RNF125: variants seen among roughly 807,000 people sequenced by gnomAD.
RNF125 encodes the protein E3 ubiquitin-protein ligase RNF125.
In RNF125, 21 loss-of-function variants were observed where a neutral mutation model predicts 26.0. That is an observed-to-expected ratio of 0.81 (90% CI 0.57 to 1.16). The LOEUF is 1.16. RNF125 is among the 50% of genes most tolerant of loss of function. The probability of loss-of-function intolerance (pLI) is 0.00; values close to 1 mark genes in which losing one functional copy is unlikely to be tolerated. For missense variants in RNF125, 270 were observed against 299.4 expected (o/e 0.90, Z 0.72); for synonymous variants, 95 against 109.2 (o/e 0.87, Z 0.81).
chr18:32,074,576 T>C (rs1295264108), downstream of RNF125, among the ~76,000 whole-genome samples: 1 of 152,210 alleles, frequency 6.6e-6, no homozygotes, highest in Non-Finnish European at 1.5e-5. Flanking sequence ...GGAGTCTTGC[T>C]CTGTTACCCA....
rs1023029974 is a variant in RNF125 at position 32,037,911 on chromosome 18, G to A, written c.318+642G>A. Among the ~76,000 whole-genome samples the A allele has an allele frequency of 5.3e-5, 8 of 152,226 alleles. No homozygotes were observed. In the South Asian group the frequency reaches 1.2e-3, roughly 24 times the overall value. ...ACAGAAACGGAACATGGGCGGGGAC[G>A]ATAAGGGAATAAAAGCTGGCCACCC... is the stretch of plus-strand genomic sequence containing the variant. On this transcript the variant is annotated intron_variant, in intron 2 of 5. Coordinates refer to ENST00000217740, the MANE Select transcript of RNF125 (RefSeq NM_017831.4).
chr18:32,041,379 C>T (rs2039215232), intron 2 of RNF125, among the ~76,000 whole-genome samples: 1 of 152,078 alleles, frequency 6.6e-6, no homozygotes, highest in Non-Finnish European at 1.5e-5. Flanking sequence ...TTCCCTAAGG[C>T]ACAGTGTTTC....
intron 1 of RNF125, among the ~76,000 whole-genome samples, chr18:32,033,920 A>AACAACATGAAGTGT (rs1413398199): frequency 1.3e-5 from 2 of 152,010 alleles, no homozygotes; most frequent in Non-Finnish European, 2.9e-5. Context: ...CTGATATCCC[A>AACAACATGAAGTGT]TCCCCAGAAA....
chr18:32,075,910 CT>C, downstream of RNF125: 1 of 1,461,542 alleles, frequency 6.8e-7, no homozygotes, highest in Admixed American at 1.7e-5. Context: ...AGGATTTTCC[CT>C]CCTGTGTGTT....
At chr18:32,076,745 T>C (rs1350608762), downstream of RNF125, among the ~76,000 whole-genome samples, 1 of 152,306 alleles carries the variant, frequency 6.6e-6, no homozygotes, top group South Asian at 2.1e-4. Context: ...TCGGCCACAC[T>C]GTTAGGTTTA....
At chr18:32,079,899 T>C in the RNF125 span, among the ~76,000 whole-genome samples, 21 of 152,272 alleles carry the variant, frequency 1.4e-4, no homozygotes, top group Non-Finnish European at 1.5e-5. Flanking sequence ...CTGAGTTTCA[T>C]TGGCTCTAGA....
At chr18:32,076,629 A>T (rs973974381), downstream of RNF125, among the ~76,000 whole-genome samples, 7 of 152,134 alleles carry the variant, frequency 4.6e-5, no homozygotes, top group African/African-American at 1.7e-4. Context: ...TATGAGAATA[A>T]ATTCTAAAGG....
At chr18:32,051,694 C>CTTTTTTTTTT (rs71177837) in intron 4 of RNF125, among the ~76,000 whole-genome samples, 1 of 118,030 alleles carries the variant, frequency 8.5e-6, no homozygotes, top group Non-Finnish European at 1.6e-5. Context: ...TATTTTCTTT[C>CTTTTTTTTTT]TTTTTTTTTT....
chr18:32,028,332 G>A lies in RNF125; in HGVS notation c.165-8784G>A, dbSNP rs554780782. Among the ~76,000 whole-genome samples, 16 of 144,758 alleles carry A rather than the reference G, an allele frequency of 1.1e-4. 1 individual carries two copies. In the East Asian group the frequency reaches 2.8e-3, roughly 25 times the overall value. The allele number at this position is 144,758 out of a possible 152,430, so 95.0% of individuals were successfully genotyped here. On this transcript the variant is annotated intron_variant, in intron 1 of 5. Coordinates refer to ENST00000217740, the MANE Select transcript of RNF125 (RefSeq NM_017831.4). ...AAAAAAAAAAAAAAAAAAATAATAG[G>A]TAGTGGTTCATGATAAGTTTTTTTG...
chr18:32,047,135 C>A (rs2039280222), intron 4 of RNF125, among the ~76,000 whole-genome samples: 1 of 152,194 alleles, frequency 6.6e-6, no homozygotes, highest in Non-Finnish European at 1.5e-5. Context: ...CTCCCAGGTT[C>A]AAGCCATTCC....
intron 3 of RNF125, among the ~76,000 whole-genome samples, chr18:32,042,831 A>G (rs2039233851): frequency 6.6e-6 from 1 of 150,798 alleles, no homozygotes; most frequent in Admixed American, 6.7e-5. Context: ...GGATATTGAT[A>G]GTATTTTATT....
rs547316182 is a variant in RNF125 at position 32,056,894 on chromosome 18, A to C, written c.505-9008A>C. On this transcript the variant is annotated intron_variant, in intron 4 of 5. Coordinates refer to ENST00000217740, the MANE Select transcript of RNF125 (RefSeq NM_017831.4). Reference sequence around the variant, plus strand: ...TTCCTCAAGCTTATACATAATAGACATACAGCAGCATTTCTATTTCTACAT... The same window carrying C: ...TTCCTCAAGCTTATACATAATAGACCTACAGCAGCATTTCTATTTCTACAT... Among the ~76,000 whole-genome samples the C allele has an allele frequency of 9.2e-5, 14 of 152,320 alleles. No individual in the cohort carries two copies. In the South Asian group the frequency reaches 2.9e-3, roughly 32 times the overall value.
intron 1 of RNF125, among the ~76,000 whole-genome samples, chr18:32,025,435 G>A (rs977701769): frequency 1.3e-5 from 2 of 151,494 alleles, no homozygotes; most frequent in African/African-American, 2.4e-5. Flanking sequence ...AGGCTGAGGT[G>A]GGGGGATCAC....
rs113845715 is a variant in RNF125 at position 32,028,166 on chromosome 18, C to T, written c.165-8950C>T. Among the ~76,000 whole-genome samples, 114 of 151,514 alleles carry T rather than the reference C, an allele frequency of 7.5e-4. 1 individual carries two copies. Among genetic ancestry groups the T allele is most frequent in the Middle Eastern group, 3.4e-3 (1 of 294 alleles). On this transcript the variant is annotated intron_variant, in intron 1 of 5. Coordinates refer to ENST00000217740, the MANE Select transcript of RNF125 (RefSeq NM_017831.4). ...ACAAAAAATTAGCCGGGCATGGTGGCGGGTGCCTGTAGTCCCAGCTACTCA... is the reference window on the plus strand; with the variant it reads ...ACAAAAAATTAGCCGGGCATGGTGGTGGGTGCCTGTAGTCCCAGCTACTCA...
intron 4 of RNF125, among the ~76,000 whole-genome samples, chr18:32,060,531 C>T (rs1332612228): frequency 1.3e-5 from 2 of 152,142 alleles, no homozygotes; most frequent in South Asian, 4.1e-4. Flanking sequence ...TTTGAATGTA[C>T]ACTGTATAGT....
rs1200062414 is a variant in RNF125, at chr18:32,070,680, A to G, written c.*2296A>G. 6.6e-6 allele frequency: 1 copy of G among 151,506 alleles called. No homozygotes were observed. Among genetic ancestry groups the G allele is most frequent in the Non-Finnish European group, 1.5e-5 (1 of 67,898 alleles). 9.4% of individuals were successfully genotyped at this position (151,506 alleles called of 1,614,324 possible). On this transcript the variant is annotated 3_prime_UTR_variant, in exon 6 of 6. Coordinates refer to ENST00000217740, the MANE Select transcript of RNF125 (RefSeq NM_017831.4). ...CAATTGAAACAATTAAAAAGTTTTC[A>G]TTTGCTTTTCTCATTCTTTCCCAAT...
downstream of RNF125, among the ~76,000 whole-genome samples, chr18:32,077,526 T>G (rs2039578475): frequency 6.6e-6 from 1 of 151,720 alleles, no homozygotes; most frequent in Non-Finnish European, 1.5e-5. Flanking sequence ...TACGCTCAGC[T>G]AATTTTTGTA....
intron 1 of RNF125, among the ~76,000 whole-genome samples, chr18:32,033,852 G>A (rs1490660072): frequency 6.6e-6 from 1 of 151,752 alleles, no homozygotes; most frequent in Non-Finnish European, 1.5e-5. Flanking sequence ...AAAAGTAGAA[G>A]GGAAAGGTGT....
At chr18:32,054,940 C>A (rs1245964091) in intron 4 of RNF125, among the ~76,000 whole-genome samples, 1 of 152,054 alleles carries the variant, frequency 6.6e-6, no homozygotes. Context: ...TTTATTCCTA[C>A]TTTAGATATG....
Sources: allele counts gnomAD v4.1 joint callset (sites outside exome capture counted in the v4.1 genomes callset), GRCh38; gene constraint gnomAD v4.1.1; transcripts MANE v1.5; gene names NCBI Gene and HGNC (gene_info 2026-07-23, HGNC 2026-07-21).